The following TSPAN14 variants were observed in gnomAD, a reference collection of about 807,000 sequenced individuals.
The protein encoded by TSPAN14 is tetraspanin-14.
A neutral mutation model predicts 36.6 loss-of-function variants in TSPAN14; 16 were observed. The ratio of observed to expected loss-of-function variants is 0.44; its 90% confidence interval spans 0.30 to 0.66. The LOEUF (loss-of-function observed/expected upper bound fraction) is 0.66, where lower values mean the gene tolerates loss of function less well. Ranked by LOEUF, TSPAN14 falls within the 30% of genes least tolerant of loss-of-function variation. TSPAN14 has a pLI of 0.12. For missense variants in TSPAN14, 231 were observed against 355.1 expected (o/e 0.65, Z 2.81); for synonymous variants, 139 against 143.8 (o/e 0.97, Z 0.24).
At chr10:80,490,138 A>G (rs1215800198) in intron 2 of TSPAN14, among the ~76,000 whole-genome samples, 1 of 152,174 alleles carries the variant, frequency 6.6e-6, no homozygotes, top group Non-Finnish European at 1.5e-5. Flanking sequence ...GGGTGGTGTG[A>G]TCTGATTTTG....
intron 2 of TSPAN14, among the ~76,000 whole-genome samples, chr10:80,493,499 G>C (rs909497764): frequency 1.3e-5 from 2 of 152,210 alleles, no homozygotes; most frequent in Non-Finnish European, 2.9e-5. Context: ...CCAAAAGGTA[G>C]AAACAACCAA....
At chr10:80,476,747 TATATTTTTCAA>T (rs1846939445) in intron 1 of TSPAN14, among the ~76,000 whole-genome samples, 1 of 152,154 alleles carries the variant, frequency 6.6e-6, no homozygotes, top group Admixed American at 6.5e-5. Flanking sequence ...TGTTTTTTTT[TATATTTTTCAA>T]ATATTTTTCA....
At chr10:80,518,624 CCT>C (rs1410783185) in exon 9 of TSPAN14, 9 of 153,402 alleles carry the variant, frequency 5.9e-5, no homozygotes, top group Non-Finnish European at 8.8e-5. Flanking sequence ...CCACTGTCCC[CCT>C]GTGTCCACCA....
At chr10:80,457,569 C>T (rs147166102) in intron 1 of TSPAN14, among the ~76,000 whole-genome samples, 13 of 152,310 alleles carry the variant, frequency 8.5e-5, no homozygotes, top group East Asian at 3.9e-4. Flanking sequence ...CAAGCCTGGC[C>T]CACAGTGGAA....
At chr10:80,459,726 C>A (rs1452306327) in intron 1 of TSPAN14, among the ~76,000 whole-genome samples, 8 of 152,188 alleles carry the variant, frequency 5.3e-5, no homozygotes, top group Non-Finnish European at 1.2e-4. Flanking sequence ...GGAGCCCTAA[C>A]ATCCAGGAGA....
At chr10:80,473,850 C>CT (rs1171444831) in intron 1 of TSPAN14, among the ~76,000 whole-genome samples, 1 of 151,874 alleles carries the variant, frequency 6.6e-6, no homozygotes, top group Non-Finnish European at 1.5e-5. Context: ...AGTTCTGGCT[C>CT]TAAGGGGTGA....
chr10:80,517,845 C>T (rs1841019224), intron 8 of TSPAN14, 60 bp from the exon 9 acceptor site: 2 of 1,520,308 alleles, frequency 1.3e-6, no homozygotes, highest in Non-Finnish European at 8.9e-7. Context: ...ACCCTCCGCT[C>T]CCTGCCCTCT....
rs1017635101 is a variant in TSPAN14, at chr10:80,475,309, A to G, written c.-17-13908A>G. 4.6e-5 allele frequency among the ~76,000 whole-genome samples: 7 copies of G among 152,228 alleles called. No individual in the cohort carries two copies. The East Asian group carries it at 1.3e-3, about 29-fold the overall frequency. On this transcript the variant is annotated intron_variant, in intron 1 of 8. Transcript: ENST00000429989. ...GGGCTGAGCATGATGGCTTATGCCTATAATCCCAGCACTTTGGGAGACTGC... is the reference window on the plus strand; with the variant it reads ...GGGCTGAGCATGATGGCTTATGCCTGTAATCCCAGCACTTTGGGAGACTGC...
chr10:80,476,009 G>A lies in TSPAN14; in HGVS notation c.-17-13208G>A, dbSNP rs142156010. The stretch of plus-strand genomic sequence containing the variant: ...CCTAATATAAAATGGTGTAGTATTT[G>A]CATATAACCTTCACACATTTTTCCC... On this transcript the variant is annotated intron_variant, in intron 1 of 8. Transcript: ENST00000429989. Among the ~76,000 whole-genome samples, 314 of 152,272 alleles carry A rather than the reference G, an allele frequency of 2.1e-3. 2 individuals carry two copies. The highest frequency in any genetic ancestry group is 7.1e-3 in the African/African-American group (296 of 41,554).
At chr10:80,471,160 T>G (rs1431617439) in intron 1 of TSPAN14, among the ~76,000 whole-genome samples, 1 of 152,046 alleles carries the variant, frequency 6.6e-6, no homozygotes, top group African/African-American at 2.4e-5. Context: ...CAGGCACAGG[T>G]CCCACTCTGA....
intron 1 of TSPAN14, among the ~76,000 whole-genome samples, 184 bp from the exon 2 acceptor site, chr10:80,489,033 A>T (rs1847778203): frequency 6.6e-6 from 1 of 152,124 alleles, no homozygotes; most frequent in Non-Finnish European, 1.5e-5. Flanking sequence ...TGTCTTTTGG[A>T]GAGCTGATTT....
intron 2 of TSPAN14, among the ~76,000 whole-genome samples, chr10:80,496,188 T>C (rs1156649565): frequency 6.6e-6 from 1 of 152,208 alleles, no homozygotes; most frequent in Non-Finnish European, 1.5e-5. Context: ...TTGGTGTTCT[T>C]ATTTTTATTA....
chr10:80,480,462 T>A (rs1353289504), intron 1 of TSPAN14, among the ~76,000 whole-genome samples: 11 of 152,202 alleles, frequency 7.2e-5, no homozygotes, highest in Non-Finnish European at 5.9e-5. Flanking sequence ...ATCATGCTGC[T>A]ATAAAGACAC....
intron 1 of TSPAN14, among the ~76,000 whole-genome samples, chr10:80,487,672 G>C (rs1847686972): frequency 6.6e-6 from 1 of 152,078 alleles, no homozygotes; most frequent in East Asian, 1.9e-4. Flanking sequence ...TTGGGCAACA[G>C]GTGGTTGTGT....
At position 80,509,021 on chromosome 10, in the gene TSPAN14, A is replaced by G. The variant is rs41495050; in HGVS notation, c.280-280A>G. Among the ~76,000 whole-genome samples the G allele has an allele frequency of 0.017, 2,651 of 152,284 alleles. 103 individuals are homozygous for G. The highest frequency in any genetic ancestry group is 0.13 in the East Asian group (646 of 5,162). ...CTGCTTCATAGCAAGTGATTGACAC[A>G]TTGGCTTGGAGCTTTCTCACACTTT... On this transcript the variant is annotated intron_variant, in intron 4 of 8. Coordinates refer to ENST00000429989, the Ensembl canonical transcript of TSPAN14. The surrounding 1 kb of genome is among the most constrained non-coding windows in gnomAD (Gnocchi z 4.7).
At chr10:80,508,918 G>A (rs894313315) in intron 4 of TSPAN14, among the ~76,000 whole-genome samples, 4 of 152,172 alleles carry the variant, frequency 2.6e-5, no homozygotes, top group African/African-American at 7.2e-5. Flanking sequence ...CCACCCTGGA[G>A]GGTCCAGGTG....
chr10:80,512,801 C>T (rs1840729229), intron 6 of TSPAN14, among the ~76,000 whole-genome samples: 1 of 152,170 alleles, frequency 6.6e-6, no homozygotes, highest in South Asian at 2.1e-4. Flanking sequence ...TCAAGCGATT[C>T]TCCTGCCTCA....
intron 1 of TSPAN14, among the ~76,000 whole-genome samples, chr10:80,455,377 G>A (rs998391636): frequency 6.6e-6 from 1 of 152,156 alleles, no homozygotes; most frequent in Non-Finnish European, 1.5e-5. Flanking sequence ...GTCAGGCGGT[G>A]CTGGGCGGCT....
chr10:80,462,659 A>G (rs1435918562), intron 1 of TSPAN14, among the ~76,000 whole-genome samples: 1 of 152,192 alleles, frequency 6.6e-6, no homozygotes, highest in Admixed American at 6.5e-5. Context: ...GTGAGGAATA[A>G]ATCTACAAGT....
Sources: gnomAD v4.1 joint callset for allele counts (sites outside exome capture counted in the v4.1 genomes callset) on GRCh38, gnomAD v4.1.1 for gene constraint, Gnocchi (gnomAD v3.1) non-coding constraint, MANE v1.5 for transcripts, NCBI Gene and HGNC (gene_info 2026-07-23, HGNC 2026-07-21) for gene names.